ZNF518B: variants seen among roughly 807,000 people sequenced by gnomAD.
ZNF518B encodes zinc finger protein 518B.
In ZNF518B, 23 loss-of-function variants were observed where a neutral mutation model predicts 56.3. The observed-to-expected ratio is 0.41, with a 90% confidence interval of 0.29 to 0.58. The LOEUF (loss-of-function observed/expected upper bound fraction) is 0.58, where lower values mean the gene tolerates loss of function less well. Ranked by LOEUF, ZNF518B falls within the 20% of genes least tolerant of loss-of-function variation. The pLI, the probability that ZNF518B is intolerant of heterozygous loss-of-function variation, is 0.32. For synonymous variants in ZNF518B, 529 were observed against 465.9 expected (o/e 1.14, Z -1.74); for missense variants, 1,460 against 1,272.1 (o/e 1.15, Z -2.25).
chr4:10,449,628 C>T (rs1264776998), intron 2 of ZNF518B, among the ~76,000 whole-genome samples: 2 of 152,220 alleles, frequency 1.3e-5, no homozygotes, highest in Non-Finnish European at 2.9e-5. Context: ...GCACCTCTCT[C>T]ATCCTCAGTT....
At chr4:10,455,265 A>G (rs1715480943) in intron 1 of ZNF518B, among the ~76,000 whole-genome samples, 1 of 152,226 alleles carries the variant, frequency 6.6e-6, no homozygotes, top group Non-Finnish European at 1.5e-5. Flanking sequence ...GACAATGTTT[A>G]GACTGGCTGA....
chr4:10,454,072 C>A (rs1025505877), intron 2 of ZNF518B: 3 of 152,236 alleles, frequency 2.0e-5, no homozygotes, highest in Admixed American at 6.5e-5. Flanking sequence ...GCCAAGGCTG[C>A]AAACCACCTG....
In ZNF518B at chr4:10,444,743, G is replaced by C. The variant is rs781711524; in HGVS notation, c.1586C>G (p.Pro529Arg). ...ACAGGTTGCAGGTGATGCAGCAAAT[G>C]GGAGTAACTGCTGTGAGCTACTGTG... ...NLHSSSQQLL[P>R]FAASPATCSF... The change falls in exon 3 of 3, where the codon CCA becomes CGA. Residue 529 changes from proline to arginine, a missense_variant. Transcript: ENST00000326756. 6.2e-7 allele frequency: 1 copy of C among 1,614,000 alleles called. No homozygotes were observed. The highest frequency in any genetic ancestry group is 1.3e-5 in the African/African-American group (1 of 75,044).
upstream of ZNF518B, among the ~76,000 whole-genome samples, chr4:10,460,213 G>C: frequency 6.9e-6 from 1 of 145,728 alleles, no homozygotes; most frequent in East Asian, 2.0e-4. Flanking sequence ...GCTGAGGCAC[G>C]AGAATTGCTT....
Position 10,444,504 on chromosome 4 carries a change from G to T in ZNF518B, c.1825C>A (p.Gln609Lys), listed in dbSNP as rs1714873974. Reference protein sequence around the residue: ...HINITGEDRSQQPGDKPLELK... With the variant: ...HINITGEDRSKQPGDKPLELK... ...TCCAAAGGCTTATCCCCAGGCTGTT[G>T]AGATCTATCTTCTCCAGTTATGTTT... The change falls in exon 3 of 3, where the codon CAA becomes AAA. Residue 609 changes from glutamine (Q) to lysine (K), a missense_variant. Coordinates refer to ENST00000326756, the MANE Select transcript of ZNF518B (RefSeq NM_053042.3). The T allele has an allele frequency of 6.2e-7, 1 of 1,613,990 alleles. No individual in the cohort carries two copies. Among genetic ancestry groups the T allele is most frequent in the Non-Finnish European group, 8.5e-7 (1 of 1,180,044 alleles).
Position 10,444,561 on chromosome 4 carries a change from A to T in ZNF518B, c.1768T>A (p.Ser590Thr), listed in dbSNP as rs200330900. 331 of 1,614,014 alleles carry T rather than the reference A, an allele frequency of 2.1e-4. No homozygotes were observed. The highest frequency in any genetic ancestry group is 2.7e-4 in the Non-Finnish European group (317 of 1,180,020). Residue 590 changes from serine (S) to threonine (T), a missense_variant, in exon 3 of 3, where the codon TCC (serine) becomes ACC (threonine). Transcript: ENST00000326756. The stretch of plus-strand genomic sequence containing the variant: ...AAATACTCACTCTTATGTTGAGAGG[A>T]AATCTGGCCTACAGTTGAAACTGCC... Reference protein sequence around the residue: ...HKAVSTVGQISSQHKSEYLHI... With the variant: ...HKAVSTVGQITSQHKSEYLHI...
In ZNF518B at chr4:10,443,617, T is replaced by C. The variant is rs374525176; in HGVS notation, c.2712A>G (p.Gln904=). The C allele has an allele frequency of 6.2e-7, 1 of 1,614,030 alleles. No homozygotes were observed. The highest frequency in any genetic ancestry group is 8.5e-7 in the Non-Finnish European group (1 of 1,180,016). ...CCTTGAGACAGCGGCTAGGTTCAGC[T>C]TGAATTTTGTTTTTCTTCCTGGATA... ...VHLSRKKNKI[Q]AEPSRCLKDP... is the part of the protein sequence containing the mutation. The change falls in exon 3 of 3, where the codon CAA becomes CAG. Residue 904 remains glutamine, a synonymous_variant. Transcript: ENST00000326756.
In ZNF518B at chr4:10,443,431, G is replaced by A; in HGVS notation, c.2898C>T (p.Tyr966=). 6.2e-7 allele frequency: 1 copy of A among 1,614,178 alleles called. No homozygotes were observed. The highest frequency in any genetic ancestry group is 8.5e-7 in the Non-Finnish European group (1 of 1,180,030). ...VTNVMKVINK[Y]KGNVLKVVLS... ...AAACAACTTTGAGGACATTGCCTTTGTATTTATTTATTACCTTCATCACAT... is the reference window on the plus strand; with the variant it reads ...AAACAACTTTGAGGACATTGCCTTTATATTTATTTATTACCTTCATCACAT... Residue 966 remains tyrosine (Y), a synonymous_variant, in exon 3 of 3, where the codon TAC becomes TAT. Transcript: ENST00000326756.
In ZNF518B at chr4:10,445,133, G is replaced by A; in HGVS notation, c.1196C>T (p.Ser399Phe). ...KGSNEQEKVL[S>F]AEKTKSLTVD... Reference sequence around the variant, plus strand: ...TGTCAGTGACTTTGTTTTTTCTGCAGAAAGTACTTTTTCTTGTTCATTTGA... The same window carrying A: ...TGTCAGTGACTTTGTTTTTTCTGCAAAAAGTACTTTTTCTTGTTCATTTGA... The change falls in exon 3 of 3, where the codon TCT becomes TTT. Residue 399 changes from serine to phenylalanine, a missense_variant. Physicochemically the swap from Ser to Phe is radical, Grantham distance 155 (BLOSUM62 -2). Coordinates refer to ENST00000326756, the MANE Select transcript of ZNF518B (RefSeq NM_053042.3). 6.2e-7 allele frequency: 1 copy of A among 1,614,116 alleles called. No homozygotes were observed. Among genetic ancestry groups the A allele is most frequent in the East Asian group, 2.2e-5 (1 of 44,886 alleles).
At chr4:10,452,686 G>A (rs1248445451) in intron 2 of ZNF518B, 3 of 152,100 alleles carry the variant, frequency 2.0e-5, no homozygotes, top group African/African-American at 7.2e-5. Context: ...TCTAAACTAT[G>A]CTCAAAATAA....
In ZNF518B at chr4:10,445,379, GA is replaced by G. The variant is rs1714947912; in HGVS notation, c.949del (p.Ser317ProfsTer13). ...ENKNVEVEVLSPAKEPVQPGM... is the reference protein window; with the variant it reads ...ENKNVEVEVLXPAKEPVQPGM... ...TGGCTGAACAGGTTCTTTTGCAGGGGATAACACTTCTACTTCAACATTTTTG... is the reference window on the plus strand; with the variant it reads ...TGGCTGAACAGGTTCTTTTGCAGGGGTAACACTTCTACTTCAACATTTTTG... On this transcript the variant is annotated frameshift_variant, in exon 3 of 3. Transcript: ENST00000326756. LOFTEE classifies it high-confidence loss of function. 6.2e-7 allele frequency: 1 copy of G among 1,614,234 alleles called. No homozygotes were observed. Among genetic ancestry groups the G allele is most frequent in the Non-Finnish European group, 8.5e-7 (1 of 1,180,036 alleles).
Position 10,443,806 on chromosome 4 carries a change from T to G in ZNF518B, c.2523A>C (p.Thr841=). The G allele has an allele frequency of 6.2e-7, 1 of 1,614,154 alleles. No homozygotes were observed. Among genetic ancestry groups the G allele is most frequent in the Non-Finnish European group, 8.5e-7 (1 of 1,180,016 alleles). The change falls in exon 3 of 3, where the codon ACA becomes ACC. Residue 841 remains threonine, a synonymous_variant. Coordinates refer to ENST00000326756, the MANE Select transcript of ZNF518B (RefSeq NM_053042.3). ...CTTTTCTCAGTTTAGGCCGCAGAGG[T>G]GTCTCGATATTTGGGGACATATCTA... is the stretch of plus-strand genomic sequence containing the variant. The part of the protein sequence containing the change: ...GPIDMSPNIE[T]PLRPKLRKES...
chr4:10,446,424 T>A lies in ZNF518B; in HGVS notation c.-96A>T. 8.4e-7 allele frequency: 1 copy of A among 1,189,792 alleles called. No individual in the cohort carries two copies. Among genetic ancestry groups the A allele is most frequent in the Non-Finnish European group, 1.2e-6 (1 of 833,818 alleles). The allele number at this position is 1,189,792 out of a possible 1,614,324, so 73.7% of individuals were successfully genotyped here. ...ATCCTTCTATACAGTTTGTGATGGG[T>A]AGGGGCGCAGCTACTTCTTGGGTGC... On this transcript the variant is annotated 5_prime_UTR_variant, in exon 3 of 3. Coordinates refer to ENST00000326756, the MANE Select transcript of ZNF518B (RefSeq NM_053042.3).
At chr4:10,459,780 T>C (rs1298453438), upstream of ZNF518B, among the ~76,000 whole-genome samples, 1 of 152,082 alleles carries the variant, frequency 6.6e-6, no homozygotes, top group African/African-American at 2.4e-5. Flanking sequence ...GGGAGGATCC[T>C]CCCCTAGAGG....
At chr4:10,448,254 CTCAG>C (rs1031628127) in intron 2 of ZNF518B, among the ~76,000 whole-genome samples, 94 of 152,282 alleles carry the variant, frequency 6.2e-4, no homozygotes, top group African/African-American at 2.1e-3. Flanking sequence ...CCCAGAGGGA[CTCAG>C]TCAGTGTTTG....
At position 10,444,650 on chromosome 4, in the gene ZNF518B, T is replaced by C. The variant is rs143769756; in HGVS notation, c.1679A>G (p.Asn560Ser). ...ENDLESTSKV[N>S]IPVKVVSSNR... ...AGAGGAAACCACTTTTACAGGAATA[T>C]TGACTTTACTTGTAGATTCCAAGTC... The change falls in exon 3 of 3, where the codon AAT becomes AGT. Residue 560 changes from asparagine (N) to serine (S), a missense_variant. Asn to Ser is a conservative substitution (Grantham distance 46). Coordinates refer to ENST00000326756, the MANE Select transcript of ZNF518B (RefSeq NM_053042.3). 113 of 1,614,116 alleles carry C rather than the reference T, an allele frequency of 7.0e-5. No individual in the cohort carries two copies. The highest frequency in any genetic ancestry group is 1.4e-5 in the Non-Finnish European group (16 of 1,180,046).
In ZNF518B at chr4:10,441,738, C is replaced by A. The variant is rs1714690354; in HGVS notation, c.*1366G>T. ...GGCTGTGCTTGTGCAGGGGGTGGGC[C>A]TTTTTCTAAAGAACACAAATGTGTA... On this transcript the variant is annotated 3_prime_UTR_variant, in exon 3 of 3. Transcript: ENST00000326756. The A allele has an allele frequency of 6.6e-6, 1 of 152,190 alleles. No homozygotes were observed. The highest frequency in any genetic ancestry group is 1.5e-5 in the Non-Finnish European group (1 of 68,038). 9.4% of individuals were successfully genotyped at this position (152,190 alleles called of 1,614,324 possible). A position where few individuals can be genotyped will look rare whatever the true frequency, so the allele number is the denominator to read the frequency against.
In ZNF518B at chr4:10,445,489, T is replaced by C; in HGVS notation, c.840A>G (p.Glu280=). The change falls in exon 3 of 3, where the codon GAA becomes GAG. Residue 280 remains glutamate (E), a synonymous_variant. Transcript: ENST00000326756. ...CTACATCTTTTTGGTATTCCTTTGGTTCAGGTAACAACATGATATTGTGCA... is the reference window on the plus strand; with the variant it reads ...CTACATCTTTTTGGTATTCCTTTGGCTCAGGTAACAACATGATATTGTGCA... ...DKMHNIMLLP[E]PKEYQKDVVC... is the part of the protein sequence containing the mutation. 1 of 1,614,240 alleles carries C rather than the reference T, an allele frequency of 6.2e-7. No individual in the cohort carries two copies. The highest frequency in any genetic ancestry group is 8.5e-7 in the Non-Finnish European group (1 of 1,180,032).
Position 10,445,345 on chromosome 4 carries a change from T to C in ZNF518B, c.984A>G (p.Pro328=). 1 of 1,614,252 alleles carries C rather than the reference T, an allele frequency of 6.2e-7. No individual in the cohort carries two copies. Among genetic ancestry groups the C allele is most frequent in the South Asian group, 1.1e-5 (1 of 91,084 alleles). ...GTTCTGCTGGTGCAACAACTGTCAA[T>C]GGCATACCTGGCTGAACAGGTTCTT... ...PAKEPVQPGM[P]LTVVAPAELV... is the part of the protein sequence containing the mutation. The change falls in exon 3 of 3, where the codon CCA becomes CCG. Residue 328 remains proline (P), a synonymous_variant. Coordinates refer to ENST00000326756, the MANE Select transcript of ZNF518B (RefSeq NM_053042.3).
Sources: allele counts gnomAD v4.1 joint callset (sites outside exome capture counted in the v4.1 genomes callset), GRCh38; gene constraint gnomAD v4.1.1; transcripts MANE v1.5; gene names NCBI Gene and HGNC (gene_info 2026-07-23, HGNC 2026-07-21).